The following LMLN variants were observed in gnomAD, a reference collection of about 807,000 sequenced individuals.
LMLN encodes leishmanolysin-like peptidase.
LMLN carries 70 observed loss-of-function variants against 92.3 expected under a neutral mutation model. The ratio of observed to expected loss-of-function variants is 0.76; its 90% CI spans 0.63 to 0.92. The LOEUF is 0.92. LMLN is among the 40% of genes least tolerant of loss of function. LMLN has a pLI of 0.00. For missense variants in LMLN, 691 were observed against 814.6 expected, an observed-to-expected ratio of 0.85 and a Z score of 1.85; for synonymous variants, 308 against 296.2, an observed-to-expected ratio of 1.04 and a Z score of -0.41.
chr3:197,960,380 T>C, exon 1 of LMLN: 2 of 1,613,980 alleles, frequency 1.2e-6, no homozygotes, highest in Non-Finnish European at 1.7e-6. Context: ...GCGCCACATC[T>C]ACTCCCGTCT....
chr3:197,964,668 A>G (rs1023031801), intron 1 of LMLN, among the ~76,000 whole-genome samples: 4 of 148,658 alleles, frequency 2.7e-5, no homozygotes, highest in Admixed American at 6.7e-5. Flanking sequence ...AAGTGCTGGG[A>G]TTACAGGCGT....
intron 14 of LMLN, among the ~76,000 whole-genome samples, chr3:198,029,660 G>A (rs1228366303): frequency 1.3e-5 from 2 of 152,036 alleles, no homozygotes; most frequent in Non-Finnish European, 2.9e-5. Flanking sequence ...GCAATGGAGT[G>A]AGACTACATG....
chr3:197,986,094 T>C (rs1004630642), intron 8 of LMLN, among the ~76,000 whole-genome samples: 2 of 152,154 alleles, frequency 1.3e-5, no homozygotes, highest in Non-Finnish European at 2.9e-5. Context: ...AGGAGAGAGA[T>C]ACCCACACAC....
chr3:198,017,611 A>G (rs1722675734), intron 11 of LMLN, among the ~76,000 whole-genome samples: 1 of 152,186 alleles, frequency 6.6e-6, no homozygotes, highest in Admixed American at 6.5e-5. Flanking sequence ...TTAAAGTTAA[A>G]TACCATTTAA....
chr3:197,977,735 C>T (rs1003219065), intron 5 of LMLN, among the ~76,000 whole-genome samples: 21 of 150,172 alleles, frequency 1.4e-4, no homozygotes, highest in Admixed American at 1.0e-3. Context: ...AGTATACACA[C>T]GTTAATTCTG....
chr3:197,964,090 A>G (rs1720980692), intron 1 of LMLN, among the ~76,000 whole-genome samples: 1 of 152,170 alleles, frequency 6.6e-6, no homozygotes, highest in Admixed American at 6.5e-5. Flanking sequence ...TGCATTTTCC[A>G]ATAGTAAATC....
At chr3:197,983,296 T>C (rs969166242) in intron 6 of LMLN, among the ~76,000 whole-genome samples, 5 of 152,186 alleles carry the variant, frequency 3.3e-5, no homozygotes, top group Non-Finnish European at 5.9e-5. Flanking sequence ...CTGCAGCTTT[T>C]GAAAGACAGG....
At chr3:198,041,145 CAG>C (rs1723393299) in exon 16 of LMLN, 1 of 152,318 alleles carries the variant, frequency 6.6e-6, no homozygotes, top group Admixed American at 6.5e-5. Flanking sequence ...AACCCCAGCA[CAG>C]AGGAAAGTCG....
chr3:198,030,786 G>C (rs1311633358), intron 14 of LMLN, among the ~76,000 whole-genome samples: 1 of 152,168 alleles, frequency 6.6e-6, no homozygotes, highest in Non-Finnish European at 1.5e-5. Context: ...GAGATTTGAG[G>C]AGTATGTGAC....
chr3:198,015,621 C>T (rs1263883181), intron 11 of LMLN, among the ~76,000 whole-genome samples: 20 of 126,002 alleles, frequency 1.6e-4, no homozygotes, highest in African/African-American at 4.6e-4. Context: ...CCCTTCAGAG[C>T]CCCCTAACTA....
intron 11 of LMLN, among the ~76,000 whole-genome samples, chr3:198,015,251 C>T (rs1489838945): frequency 1.0e-4 from 12 of 118,158 alleles, no homozygotes; most frequent in South Asian, 3.1e-4. Context: ...CCCTTCAGAG[C>T]CCCCTAACTA....
At chr3:197,961,322 G>C (rs1446651541) in intron 1 of LMLN, among the ~76,000 whole-genome samples, 3 of 152,126 alleles carry the variant, frequency 2.0e-5, no homozygotes, top group Non-Finnish European at 4.4e-5. Flanking sequence ...TTTGAGAAAG[G>C]GAGAGTACCT....
rs186817502 is a variant in LMLN at position 197,979,040 on chromosome 3, C to T, written c.550-1286C>T. On this transcript the variant is annotated intron_variant, in intron 5 of 15. Transcript: ENST00000330198. ...ACTAAATAAATAAATAAGAATACAG[C>T]ATATTGTCATTAACCATAGTCACTG... 1.7e-3 allele frequency among the ~76,000 whole-genome samples: 260 copies of T among 152,238 alleles called. 4 individuals are homozygous for T. Among genetic ancestry groups the T allele is most frequent in the Non-Finnish European group, 1.6e-3 (106 of 68,010 alleles).
At chr3:198,024,668 G>C in exon 14 of LMLN, 2 of 1,581,322 alleles carry the variant, frequency 1.3e-6, no homozygotes, top group Non-Finnish European at 1.7e-6. Flanking sequence ...AAATTTTTAA[G>C]AACTATGGCG....
At chr3:197,997,747 T>C (rs6803917) in intron 10 of LMLN, among the ~76,000 whole-genome samples, 56,627 of 152,118 alleles carry the variant, frequency 0.37, 14,838 homozygotes, top group African/African-American at 0.75. Flanking sequence ...CCCTTATTTA[T>C]GAATTTCACA....
intron 9 of LMLN, among the ~76,000 whole-genome samples, chr3:197,991,822 CAG>C (rs1418249267): frequency 6.6e-6 from 1 of 151,450 alleles, no homozygotes; most frequent in Non-Finnish European, 1.5e-5. Flanking sequence ...AACTAAAGGA[CAG>C]ATAGAACCCA....
At chr3:198,011,809 C>T (rs188102617) in intron 11 of LMLN, among the ~76,000 whole-genome samples, 88 of 152,182 alleles carry the variant, frequency 5.8e-4, no homozygotes, top group African/African-American at 1.9e-3. Context: ...TTTTAATGAT[C>T]GCCATTCTAA....
At chr3:197,998,231 T>G (rs1441381825) in intron 10 of LMLN, among the ~76,000 whole-genome samples, 1 of 152,200 alleles carries the variant, frequency 6.6e-6, no homozygotes, top group African/African-American at 2.4e-5. Context: ...AACCAGTATC[T>G]TTTTATTTTT....
intron 14 of LMLN, among the ~76,000 whole-genome samples, chr3:198,027,089 C>G (rs1722953244): frequency 1.3e-5 from 2 of 152,096 alleles, no homozygotes; most frequent in Admixed American, 1.3e-4. Context: ...TTTTAGTTTT[C>G]CACCTTTTCA....
Sources: gnomAD v4.1 joint callset for allele counts (sites outside exome capture counted in the v4.1 genomes callset) on GRCh38, gnomAD v4.1.1 for gene constraint, MANE v1.5 for transcripts, NCBI Gene and HGNC (gene_info 2026-07-23, HGNC 2026-07-21) for gene names.